Variants in ARHGAP15 observed in about 807,000 individuals in gnomAD.
ARHGAP15 encodes the protein rho GTPase-activating protein 15.
A neutral mutation model predicts 63.7 loss-of-function variants in ARHGAP15; 51 were observed. That is an observed-to-expected ratio of 0.80 (90% confidence interval 0.64 to 1.01). ARHGAP15 has a LOEUF of 1.01. ARHGAP15 is among the 50% of genes least tolerant of loss of function. ARHGAP15 has a pLI of 0.00. For missense variants in ARHGAP15, 560 were observed against 564.6 expected (o/e 0.99, Z 0.08); for synonymous variants, 191 against 193.8 (o/e 0.99, Z 0.12).
chr2:143,324,741 T>C, intron 6 of ARHGAP15, among the ~76,000 whole-genome samples: 1 of 152,138 alleles, frequency 6.6e-6, no homozygotes, highest in South Asian at 2.1e-4. Flanking sequence ...CATTCATCCA[T>C]ATGAAAACAA....
chr2:143,254,317 CCTT>C (rs1269125997), intron 6 of ARHGAP15, among the ~76,000 whole-genome samples: 3 of 152,106 alleles, frequency 2.0e-5, no homozygotes, highest in Admixed American at 1.3e-4. Flanking sequence ...GCTACTGTCA[CCTT>C]CTGTTTCCTG....
At chr2:143,724,726 C>T (rs1215044678) in intron 13 of ARHGAP15, among the ~76,000 whole-genome samples, 1 of 151,918 alleles carries the variant, frequency 6.6e-6, no homozygotes, top group Non-Finnish European at 1.5e-5. Flanking sequence ...TGTTCAGAGC[C>T]CCTGAAAAAA....
At chr2:143,504,999 C>T (rs182747407) in intron 9 of ARHGAP15, among the ~76,000 whole-genome samples, 1 of 152,210 alleles carries the variant, frequency 6.6e-6, no homozygotes, top group Non-Finnish European at 1.5e-5. Context: ...CCTGAAGCAA[C>T]AACTCTTACT....
At chr2:143,644,573 G>C (rs2105282340) in intron 12 of ARHGAP15, among the ~76,000 whole-genome samples, 1 of 152,074 alleles carries the variant, frequency 6.6e-6, no homozygotes, top group East Asian at 1.9e-4. Flanking sequence ...ATCATGTTCT[G>C]AGCCCCAACA....
At chr2:143,203,586 T>A (rs1313253438) in intron 3 of ARHGAP15, among the ~76,000 whole-genome samples, 1 of 152,024 alleles carries the variant, frequency 6.6e-6, no homozygotes, top group Non-Finnish European at 1.5e-5. Context: ...ATGCAGTATA[T>A]CCATGTAACA....
At chr2:143,158,998 A>T (rs1690188488) in intron 2 of ARHGAP15, among the ~76,000 whole-genome samples, 1 of 151,936 alleles carries the variant, frequency 6.6e-6, no homozygotes. Flanking sequence ...GAAACTGCAG[A>T]CATATGATTT....
At chr2:143,658,876 T>C (rs992927040) in intron 12 of ARHGAP15, among the ~76,000 whole-genome samples, 3 of 152,236 alleles carry the variant, frequency 2.0e-5, no homozygotes, top group African/African-American at 7.2e-5. Flanking sequence ...TTTGAGTTAA[T>C]CACAGCTTAA....
At chr2:143,304,817 C>T (rs1428381016) in intron 6 of ARHGAP15, among the ~76,000 whole-genome samples, 2 of 151,972 alleles carry the variant, frequency 1.3e-5, no homozygotes, top group African/African-American at 2.4e-5. Context: ...ATTAAAAAGT[C>T]AGGAAATGAC....
At chr2:143,277,381 T>TA (rs1443193354) in intron 6 of ARHGAP15, among the ~76,000 whole-genome samples, 4 of 152,020 alleles carry the variant, frequency 2.6e-5, no homozygotes, top group Non-Finnish European at 4.4e-5. Flanking sequence ...CAGGGACTCA[T>TA]ATCAGGATCC....
intron 9 of ARHGAP15, among the ~76,000 whole-genome samples, chr2:143,517,276 T>G (rs1197576515): frequency 2.0e-5 from 3 of 152,156 alleles, no homozygotes; most frequent in African/African-American, 7.2e-5. Context: ...TGTTTTAGCT[T>G]TAATTGTTCC....
chr2:143,726,127 C>G (rs1046231869), intron 13 of ARHGAP15, among the ~76,000 whole-genome samples: 1 of 152,166 alleles, frequency 6.6e-6, no homozygotes, highest in Non-Finnish European at 1.5e-5. Flanking sequence ...GCATTGTGGT[C>G]AAGTGCATGA....
In ARHGAP15 at chr2:143,250,495, A is replaced by G. The variant is rs753647445; in HGVS notation, c.385-16A>G. On this transcript the variant is annotated splice_polypyrimidine_tract_variant and intron_variant, in intron 5 of 13. Coordinates refer to ENST00000295095, the MANE Select transcript of ARHGAP15 (RefSeq NM_018460.4). ...TGTTGCATCCTCTTATTCTTACTTC[A>G]TTTTTGTGATTACAGAAAACTGGGC... 5 of 1,605,304 alleles carry G rather than the reference A, an allele frequency of 3.1e-6. No homozygotes were observed. The South Asian group carries it at 4.4e-5, about 14-fold the overall frequency.
Position 143,155,662 on chromosome 2 carries a change from C to A in ARHGAP15, c.165+7C>A. ...CGGGAAGGTCACTGAACCTGTAAGTCAAATACCCCAAATATCCCAAGTTCC... is the reference window on the plus strand; with the variant it reads ...CGGGAAGGTCACTGAACCTGTAAGTAAAATACCCCAAATATCCCAAGTTCC... On this transcript the variant is annotated splice_region_variant and intron_variant, in intron 2 of 13. Coordinates refer to ENST00000295095, the MANE Select transcript of ARHGAP15 (RefSeq NM_018460.4). The A allele has an allele frequency of 6.5e-7, 1 of 1,534,760 alleles. No homozygotes were observed. Among genetic ancestry groups the A allele is most frequent in the South Asian group, 1.3e-5 (1 of 78,338 alleles).
intron 8 of ARHGAP15, among the ~76,000 whole-genome samples, chr2:143,469,121 C>G (rs562942102): frequency 1.3e-5 from 2 of 152,196 alleles, no homozygotes; most frequent in African/African-American, 4.8e-5. Flanking sequence ...ACTTTAGAAG[C>G]TTTATAACTG....
At chr2:143,151,912 G>A (rs1159793918) in intron 1 of ARHGAP15, among the ~76,000 whole-genome samples, 1 of 151,890 alleles carries the variant, frequency 6.6e-6, no homozygotes, top group Non-Finnish European at 1.5e-5. Context: ...AGGTCCCACA[G>A]CCACTGGCAC....
At chr2:143,207,427 C>T (rs915312475) in intron 3 of ARHGAP15, among the ~76,000 whole-genome samples, 8 of 151,554 alleles carry the variant, frequency 5.3e-5, no homozygotes, top group East Asian at 1.9e-4. Flanking sequence ...GCTGCATACC[C>T]GAATATTTTT....
intron 12 of ARHGAP15, among the ~76,000 whole-genome samples, chr2:143,664,151 G>T (rs1682010776): frequency 6.6e-6 from 1 of 152,016 alleles, no homozygotes; most frequent in African/African-American, 2.4e-5. Context: ...TTCCAAAATT[G>T]ACCACAGAGT....
intron 10 of ARHGAP15, among the ~76,000 whole-genome samples, chr2:143,538,933 T>C (rs1179009669): frequency 1.3e-5 from 2 of 152,240 alleles, no homozygotes; most frequent in Non-Finnish European, 2.9e-5. Flanking sequence ...TTCTCTTGAT[T>C]GGTATAGTTT....
chr2:143,488,470 A>G (rs1477566963), intron 9 of ARHGAP15, among the ~76,000 whole-genome samples: 11 of 152,232 alleles, frequency 7.2e-5, no homozygotes, highest in Admixed American at 7.2e-4. Flanking sequence ...CATGAAGTTC[A>G]TTATTCTCTG....
Sources: gnomAD v4.1 joint callset for allele counts (sites outside exome capture counted in the v4.1 genomes callset) on GRCh38, gnomAD v4.1.1 for gene constraint, MANE v1.5 for transcripts, NCBI Gene and HGNC (gene_info 2026-07-23, HGNC 2026-07-21) for gene names.